TENM4: variants seen among roughly 807,000 people sequenced by gnomAD.
The protein encoded by TENM4 is teneurin transmembrane protein 4, also known as teneurin-4.
TENM4 carries 82 observed loss-of-function variants against 243.3 expected under a neutral mutation model. The observed-to-expected ratio is 0.34, with a 90% CI of 0.28 to 0.40. The LOEUF (loss-of-function observed/expected upper bound fraction) is 0.40, where lower values mean the gene tolerates loss of function less well. Among genes scored for constraint, TENM4 ranks in the 10% least tolerant of loss-of-function variants. The pLI is 1.00. For synonymous variants in TENM4, 1,412 were observed against 1,456.3 expected (o/e 0.97, Z 0.69); for missense variants, 3,138 against 3,673.3 (o/e 0.85, Z 3.77).
At chr11:79,189,175 C>T (rs937413086) in intron 3 of TENM4, among the ~76,000 whole-genome samples, 2 of 152,152 alleles carry the variant, frequency 1.3e-5, no homozygotes, top group African/African-American at 2.4e-5. Flanking sequence ...AATACATGAT[C>T]TTGAATAAGG....
In TENM4 at chr11:78,672,101, G is replaced by C; in HGVS notation, c.5725C>G (p.Gln1909Glu). The C allele has an allele frequency of 1.2e-6, 2 of 1,614,014 alleles. No homozygotes were observed. Among genetic ancestry groups the C allele is most frequent in the Non-Finnish European group, 1.7e-6 (2 of 1,179,898 alleles). Residue 1909 changes from glutamine (Q) to glutamate (E), a missense_variant, in exon 31 of 34, where the codon CAG becomes GAG. Physicochemically the swap from Gln to Glu is conservative, Grantham distance 29. Transcript: ENST00000278550. ...ATCCTGGATGTGATGCGGCCCGCCT[G>C]GTCGTATTCCATTCTTTCAGACATG... ...GIMSERMEYD[Q>E]AGRITSRIFA...
intron 4 of TENM4, among the ~76,000 whole-genome samples, chr11:79,107,687 G>A (rs981547868): frequency 1.3e-5 from 2 of 152,216 alleles, no homozygotes; most frequent in African/African-American, 2.4e-5. Context: ...ATGCCCAGGA[G>A]TAAGATCATA....
intron 1 of TENM4, among the ~76,000 whole-genome samples, chr11:79,407,347 G>C (rs984637342): frequency 6.6e-6 from 1 of 152,218 alleles, no homozygotes; most frequent in Non-Finnish European, 1.5e-5. Flanking sequence ...TTTAGAAACT[G>C]TTACTAATAA....
chr11:78,947,750 C>G (rs1280367975), intron 6 of TENM4, among the ~76,000 whole-genome samples: 3 of 152,024 alleles, frequency 2.0e-5, no homozygotes, highest in East Asian at 3.9e-4. Flanking sequence ...TGCCTCGGCA[C>G]AGAAGGGCTA....
At chr11:79,323,981 T>C (rs925532472) in intron 1 of TENM4, among the ~76,000 whole-genome samples, 5 of 152,232 alleles carry the variant, frequency 3.3e-5, no homozygotes, top group African/African-American at 1.2e-4. Flanking sequence ...TCAGTATCCT[T>C]GGGGGATTGG....
At chr11:79,286,043 T>C (rs1228485834) in intron 2 of TENM4, among the ~76,000 whole-genome samples, 1 of 152,204 alleles carries the variant, frequency 6.6e-6, no homozygotes, top group African/African-American at 2.4e-5. Flanking sequence ...ACGTGAATTA[T>C]ATCTCAATAA....
At chr11:78,939,252 C>G (rs1856842805) in intron 6 of TENM4, among the ~76,000 whole-genome samples, 1 of 152,222 alleles carries the variant, frequency 6.6e-6, no homozygotes, top group South Asian at 2.1e-4. Context: ...CACAGTGTTT[C>G]AGAAGCCCAG....
chr11:78,953,572 C>A (rs999835683), intron 6 of TENM4, among the ~76,000 whole-genome samples: 18 of 151,810 alleles, frequency 1.2e-4, no homozygotes, highest in African/African-American at 3.4e-4. Context: ...ATGGACTCAA[C>A]CAATGGTTGA....
rs182149733 is a variant in TENM4 at position 79,040,215 on chromosome 11, T to C, written c.493+24523A>G. On this transcript the variant is annotated intron_variant, in intron 6 of 33. Coordinates refer to ENST00000278550, the MANE Select transcript of TENM4 (RefSeq NM_001098816.3). ...ACTTTGTCTCTGAGCTTCAGTTTCTTTTTTTGTAACATGGGAGTCATAACA... is the reference window on the plus strand; with the variant it reads ...ACTTTGTCTCTGAGCTTCAGTTTCTCTTTTTGTAACATGGGAGTCATAACA... 4.8e-3 allele frequency among the ~76,000 whole-genome samples: 728 copies of C among 152,280 alleles called. 20 individuals are homozygous for C. Among genetic ancestry groups the C allele is most frequent in the Non-Finnish European group, 1.2e-3 (85 of 68,024 alleles).
intron 1 of TENM4, among the ~76,000 whole-genome samples, chr11:79,363,051 T>C (rs1276236783): frequency 1.3e-5 from 2 of 152,234 alleles, no homozygotes; most frequent in Non-Finnish European, 2.9e-5. Context: ...ACAGGTGGAT[T>C]GCAACTCCTG....
chr11:79,145,975 A>C (rs1392218960), intron 4 of TENM4, among the ~76,000 whole-genome samples: 1 of 151,982 alleles, frequency 6.6e-6, no homozygotes, highest in Non-Finnish European at 1.5e-5. Flanking sequence ...GTCTTTTCTT[A>C]CTGATTTATA....
chr11:79,403,345 C>T (rs1003452257), intron 1 of TENM4, among the ~76,000 whole-genome samples: 11 of 152,206 alleles, frequency 7.2e-5, no homozygotes, highest in African/African-American at 2.4e-4. Flanking sequence ...TACATTTATA[C>T]AGCACTTTAC....
At chr11:79,384,497 G>T (rs1486469345) in intron 1 of TENM4, among the ~76,000 whole-genome samples, 3 of 152,242 alleles carry the variant, frequency 2.0e-5, no homozygotes, top group Non-Finnish European at 4.4e-5. Flanking sequence ...TGAGATGCGG[G>T]GGGGTTGAAT....
intron 7 of TENM4, among the ~76,000 whole-genome samples, chr11:78,899,308 C>T (rs1381599698): frequency 6.6e-6 from 1 of 151,934 alleles, no homozygotes; most frequent in Non-Finnish European, 1.5e-5. Flanking sequence ...AAATTTAATA[C>T]CCAGCTGGGC....
intron 3 of TENM4, among the ~76,000 whole-genome samples, chr11:79,213,154 A>G (rs1265837673): frequency 6.6e-6 from 1 of 152,044 alleles, no homozygotes; most frequent in Non-Finnish European, 1.5e-5. Context: ...TGGTGGGAGG[A>G]GAAAGGCAGT....
At chr11:79,260,869 C>T (rs1490626568) in intron 2 of TENM4, among the ~76,000 whole-genome samples, 1 of 152,182 alleles carries the variant, frequency 6.6e-6, no homozygotes, top group African/African-American at 2.4e-5. Context: ...TTCCCCCAAC[C>T]CACTTCATTC....
intron 3 of TENM4, among the ~76,000 whole-genome samples, chr11:79,164,955 A>ATG (rs992646961): frequency 4.8e-5 from 3 of 62,992 alleles, no homozygotes; most frequent in African/African-American, 1.6e-4. Flanking sequence ...TACTATATAT[A>ATG]TATGTGTGTG....
At chr11:79,340,281 C>A (rs952122223) in intron 1 of TENM4, among the ~76,000 whole-genome samples, 1 of 152,132 alleles carries the variant, frequency 6.6e-6, no homozygotes, top group Non-Finnish European at 1.5e-5. Context: ...AGTTGATCCT[C>A]CAGGTGCTGT....
At chr11:79,163,759 GTA>G (rs1276935580) in intron 3 of TENM4, among the ~76,000 whole-genome samples, 1 of 138,582 alleles carries the variant, frequency 7.2e-6, no homozygotes. Context: ...CATGGTATGT[GTA>G]TATATATACA....
Sources: allele counts gnomAD v4.1 joint callset (sites outside exome capture counted in the v4.1 genomes callset), GRCh38; gene constraint gnomAD v4.1.1; transcripts MANE v1.5; gene names NCBI Gene and HGNC (gene_info 2026-07-23, HGNC 2026-07-21).